Variants in FABP12 observed in about 807,000 individuals in gnomAD.
The protein encoded by FABP12 is fatty acid binding protein 12, also known as fatty acid-binding protein 12.
In FABP12, 19 loss-of-function variants were observed where a neutral mutation model predicts 13.7. The observed-to-expected ratio is 1.39, with a 90% CI of 0.97 to 2.04. The LOEUF is 2.04. Ranked by LOEUF, FABP12 falls within the 30% of genes most tolerant of loss-of-function variation. The pLI is 0.00. For synonymous variants in FABP12, 61 were observed against 57.0 expected (o/e 1.07, Z -0.32); for missense variants, 182 against 164.2 (o/e 1.11, Z -0.59).
intron 1 of FABP12, among the ~76,000 whole-genome samples, chr8:81,581,591 G>T (rs946308749): frequency 1.3e-5 from 2 of 152,178 alleles, no homozygotes; most frequent in Admixed American, 6.5e-5. Context: ...AAAGCATCTA[G>T]TCACTTATAA....
At chr8:81,570,505 C>T (rs1471442998) in intron 1 of FABP12, among the ~76,000 whole-genome samples, 5 of 152,132 alleles carry the variant, frequency 3.3e-5, no homozygotes, top group Admixed American at 6.5e-5. Context: ...GGTGCCCTGA[C>T]TAGTGTTCAG....
intron 2 of FABP12, among the ~76,000 whole-genome samples, chr8:81,530,635 G>T (rs151257468): frequency 6.6e-6 from 1 of 152,176 alleles, no homozygotes; most frequent in Non-Finnish European, 1.5e-5. Flanking sequence ...AGATATTCAC[G>T]TCTTAATCCC....
At chr8:81,584,766 A>G (rs572016749) in intron 1 of FABP12, among the ~76,000 whole-genome samples, 74 of 152,350 alleles carry the variant, frequency 4.9e-4, no homozygotes, top group African/African-American at 1.7e-3. Context: ...TCCCACCCAC[A>G]GTGTACAAGG....
chr8:81,527,154 C>T (rs371779914), intron 3 of FABP12, 33 bp from the exon 4 acceptor site: 2 of 1,256,054 alleles, frequency 1.6e-6, no homozygotes, highest in African/African-American at 3.0e-5. Flanking sequence ...TTCAGATCAG[C>T]TTGTCATATT....
chr8:81,574,448 AG>A (rs1809996048), intron 1 of FABP12, among the ~76,000 whole-genome samples: 1 of 152,050 alleles, frequency 6.6e-6, no homozygotes, highest in Admixed American at 6.6e-5. Flanking sequence ...GTTTGGTATT[AG>A]GGTGATGCTG....
At chr8:81,553,365 T>G (rs1809553152) in intron 1 of FABP12, among the ~76,000 whole-genome samples, 1 of 152,196 alleles carries the variant, frequency 6.6e-6, no homozygotes. Context: ...AATCTTGTTT[T>G]CAACCTAACG....
intron 1 of FABP12, among the ~76,000 whole-genome samples, chr8:81,572,226 G>C (rs1809946098): frequency 6.6e-6 from 1 of 151,960 alleles, no homozygotes; most frequent in South Asian, 2.1e-4. Context: ...CCATTCCTGA[G>C]TTACTTCACT....
intron 4 of FABP12, 35 bp downstream of exon 4, chr8:81,526,985 G>A: frequency 8.3e-7 from 1 of 1,206,656 alleles, no homozygotes; most frequent in South Asian, 1.3e-5. Context: ...AGTCGTTGCA[G>A]AAGGTGGGAA....
At chr8:81,567,694 T>C (rs1005561615) in intron 1 of FABP12, among the ~76,000 whole-genome samples, 1 of 152,252 alleles carries the variant, frequency 6.6e-6, no homozygotes, top group East Asian at 1.9e-4. Flanking sequence ...GTCCACAAAC[T>C]ATGAAACTAT....
intron 1 of FABP12, among the ~76,000 whole-genome samples, chr8:81,532,213 A>G (rs1809093268): frequency 6.6e-6 from 1 of 152,218 alleles, no homozygotes; most frequent in Non-Finnish European, 1.5e-5. Context: ...TAAGTAAAGG[A>G]CAAACATGCC....
chr8:81,532,778 GCCACTGCACT>G, intron 1 of FABP12: 1 of 152,712 alleles, frequency 6.5e-6, no homozygotes, highest in South Asian at 2.1e-4. Flanking sequence ...CCAAGATCGT[GCCACTGCACT>G]CCACTGCACT....
intron 3 of FABP12, among the ~76,000 whole-genome samples, chr8:81,527,989 AC>A (rs1808953263): frequency 6.6e-6 from 1 of 152,062 alleles, no homozygotes; most frequent in Admixed American, 6.6e-5. Flanking sequence ...TACATGTGAA[AC>A]TAATTCAAAC....
At chr8:81,551,781 T>C (rs1809527214) in intron 1 of FABP12, among the ~76,000 whole-genome samples, 1 of 152,134 alleles carries the variant, frequency 6.6e-6, no homozygotes, top group Non-Finnish European at 1.5e-5. Context: ...GTGATGTGTG[T>C]GTCATGCTGG....
intron 1 of FABP12, among the ~76,000 whole-genome samples, chr8:81,580,555 A>C (rs1157460480): frequency 5.1e-5 from 1 of 19,464 alleles, no homozygotes; most frequent in Non-Finnish European, 1.1e-4. Flanking sequence ...ATATAGACTT[A>C]TCACAAAAAA....
chr8:81,569,037 A>G (rs986892871), intron 1 of FABP12, among the ~76,000 whole-genome samples: 1 of 152,156 alleles, frequency 6.6e-6, no homozygotes, highest in Admixed American at 6.5e-5. Flanking sequence ...AATGAATAAG[A>G]TCTATCACAA....
chr8:81,568,981 G>A (rs1809877029), intron 1 of FABP12, among the ~76,000 whole-genome samples: 2 of 152,308 alleles, frequency 1.3e-5, no homozygotes, highest in African/African-American at 4.8e-5. Context: ...TGGTGGATGG[G>A]TGGGGGAGTA....
At chr8:81,545,276 T>G (rs750937600) in intron 1 of FABP12, among the ~76,000 whole-genome samples, 1 of 152,200 alleles carries the variant, frequency 6.6e-6, no homozygotes, top group African/African-American at 2.4e-5. Context: ...CGTGCTCCAT[T>G]CTAATCTAGA....
At chr8:81,531,359 G>C in exon 2 of FABP12, 1 of 1,398,398 alleles carries the variant, frequency 7.2e-7, no homozygotes, top group African/African-American at 1.4e-5. Flanking sequence ...AGTTTCATGT[G>C]TATGCTGGTT....
intron 1 of FABP12, among the ~76,000 whole-genome samples, chr8:81,559,274 G>A (rs1809675156): frequency 1.3e-5 from 2 of 152,204 alleles, no homozygotes; most frequent in South Asian, 4.1e-4. Context: ...GCAGTTGGCT[G>A]CACAGTAGCA....
Sources: allele counts gnomAD v4.1 joint callset (sites outside exome capture counted in the v4.1 genomes callset), GRCh38; gene constraint gnomAD v4.1.1; transcripts MANE v1.5; gene names NCBI Gene and HGNC (gene_info 2026-07-23, HGNC 2026-07-21).